USP53: variants seen among roughly 807,000 people sequenced by gnomAD.
USP53 encodes ubiquitin carboxyl-terminal hydrolase 53.
Under a neutral mutation model 94.9 loss-of-function variants are expected in USP53, and 71 were observed. That is an observed-to-expected ratio of 0.75 (90% confidence interval 0.62 to 0.91). The LOEUF (loss-of-function observed/expected upper bound fraction) is 0.91. Among genes scored for constraint, USP53 ranks in the 40% least tolerant of loss-of-function variants. The pLI, the probability that USP53 is intolerant of heterozygous loss-of-function variation, is 0.00. For synonymous variants in USP53, 375 were observed against 422.7 expected, an observed-to-expected ratio of 0.89 and a Z score of 1.39; for missense variants, 1,173 against 1,281.0, an observed-to-expected ratio of 0.92 and a Z score of 1.29.
intron 5 of USP53, among the ~76,000 whole-genome samples, chr4:119,241,393 T>C (rs940559392): frequency 2.0e-5 from 3 of 152,150 alleles, no homozygotes; most frequent in Non-Finnish European, 1.5e-5. Flanking sequence ...AGGATCTTTC[T>C]TGTAATACAG....
intron 15 of USP53, 134 bp from the exon 16 acceptor site, chr4:119,271,162 A>C: frequency 5.2e-6 from 7 of 1,344,448 alleles, no homozygotes; most frequent in Non-Finnish European, 6.8e-6. Context: ...ATCTCAAAGC[A>C]GTATGTGATA....
intron 16 of USP53, chr4:119,273,403 T>A: frequency 2.6e-6 from 1 of 378,772 alleles, no homozygotes; most frequent in Non-Finnish European, 4.9e-6. Flanking sequence ...CAGGACTTTA[T>A]AACCAGATAG....
At chr4:119,238,591 T>C (rs550556625) in intron 4 of USP53, among the ~76,000 whole-genome samples, 1 of 152,328 alleles carries the variant, frequency 6.6e-6, no homozygotes, top group South Asian at 2.1e-4. Flanking sequence ...GGGAAAATGG[T>C]GCTGGTAGAT....
At chr4:119,225,528 C>T (rs974628101) in intron 3 of USP53, among the ~76,000 whole-genome samples, 6 of 152,142 alleles carry the variant, frequency 3.9e-5, no homozygotes, top group Admixed American at 1.3e-4. Context: ...GGGCAGATCA[C>T]GAGGTCCAGA....
At chr4:119,213,647 T>TTAG (rs201030853) in intron 1 of USP53, among the ~76,000 whole-genome samples, 18,520 of 114,040 alleles carry the variant, frequency 0.16, 1,904 homozygotes, top group Admixed American at 0.22. Context: ...AATAGATATA[T>TTAG]ATATATATAT....
intron 7 of USP53, among the ~76,000 whole-genome samples, chr4:119,249,162 A>T (rs147246416): frequency 1.3e-5 from 2 of 152,210 alleles, no homozygotes; most frequent in African/African-American, 4.8e-5. Flanking sequence ...GCTGAATATA[A>T]ATGATATCAC....
chr4:119,251,592 A>G (rs1282325824), intron 7 of USP53, among the ~76,000 whole-genome samples: 3 of 150,904 alleles, frequency 2.0e-5, no homozygotes, highest in Admixed American at 1.3e-4. Context: ...TTAATGATAG[A>G]GTTTTCTAAA....
At chr4:119,213,641 G>GATATATTAGATATATATAGATATATAT (rs1553961986) in intron 1 of USP53, among the ~76,000 whole-genome samples, 29 of 107,800 alleles carry the variant, frequency 2.7e-4, no homozygotes, top group Non-Finnish European at 4.0e-4. Flanking sequence ...TCTGGAAATA[G>GATATATTAGATATATATAGATATATAT]ATATATATAT....
intron 4 of USP53, among the ~76,000 whole-genome samples, chr4:119,238,571 A>C (rs1252879457): frequency 6.6e-6 from 1 of 152,232 alleles, no homozygotes; most frequent in African/African-American, 2.4e-5. Flanking sequence ...TGAAGTGGGC[A>C]TATGCTGTTG....
At chr4:119,253,128 G>A (rs1466236243) in intron 7 of USP53, among the ~76,000 whole-genome samples, 4 of 151,944 alleles carry the variant, frequency 2.6e-5, no homozygotes, top group Admixed American at 6.6e-5. Context: ...ACATTTGCTC[G>A]GGAGCGTTTT....
chr4:119,227,606 G>A (rs1383047712), intron 3 of USP53, among the ~76,000 whole-genome samples: 2 of 152,206 alleles, frequency 1.3e-5, no homozygotes, highest in African/African-American at 4.8e-5. Flanking sequence ...ACTCCAGCTT[G>A]GGAGACAGAG....
rs1301035912 is a variant in USP53, at chr4:119,295,359, T to C, written c.*2148T>C. ...CATCTAGGGTGCCTATTTATTTTTA[T>C]AGATGCTTTCATCCAGTTATAAGCT... On this transcript the variant is annotated 3_prime_UTR_variant, in exon 19 of 19. Transcript: ENST00000692078. 6.6e-6 allele frequency: 1 copy of C among 152,202 alleles called. No homozygotes were observed. The highest frequency in any genetic ancestry group is 2.4e-5 in the African/African-American group (1 of 41,462). The allele number at this position is 152,202 out of a possible 1,614,324, so 9.4% of individuals were successfully genotyped here.
In USP53 at chr4:119,248,900, T is replaced by A. The variant is rs1322018327; in HGVS notation, c.372+18T>A. 6.2e-7 allele frequency: 1 copy of A among 1,613,492 alleles called. No individual in the cohort carries two copies. Among genetic ancestry groups the A allele is most frequent in the East Asian group, 2.2e-5 (1 of 44,874 alleles). On this transcript the variant is annotated intron_variant, in intron 7 of 18. Transcript: ENST00000692078. Reference sequence around the variant, plus strand: ...AGTGCTTTGTAAGTGTTTCTGATATTCCTTAAGAAGTCAGGATAGTAGTTT... The same window carrying A: ...AGTGCTTTGTAAGTGTTTCTGATATACCTTAAGAAGTCAGGATAGTAGTTT...
chr4:119,261,676 A>ATGTAG, intron 11 of USP53, 39 bp from the exon 12 acceptor site: 1 of 1,460,400 alleles, frequency 6.8e-7, no homozygotes, highest in Non-Finnish European at 9.3e-7. Flanking sequence ...TTTACAAAAG[A>ATGTAG]TGTAGTGTTA....
chr4:119,289,310 A>G (rs537067687), intron 17 of USP53, among the ~76,000 whole-genome samples: 1 of 152,356 alleles, frequency 6.6e-6, no homozygotes, highest in Admixed American at 6.5e-5. Flanking sequence ...TACAATTAGT[A>G]CAGTTTAGTG....
At chr4:119,273,587 C>A in intron 16 of USP53, 45 bp from the exon 17 acceptor site, 1 of 1,420,842 alleles carries the variant, frequency 7.0e-7, no homozygotes, top group Non-Finnish European at 9.8e-7. Flanking sequence ...TAAACAAAGG[C>A]AGTCCATAAT....
intron 2 of USP53, among the ~76,000 whole-genome samples, chr4:119,216,093 A>G (rs1223554386): frequency 6.6e-6 from 1 of 152,218 alleles, no homozygotes; most frequent in East Asian, 1.9e-4. Context: ...TAATTAGACA[A>G]TGTTGGCTGG....
At chr4:119,260,228 CTAATA>C (rs1419304582) in intron 10 of USP53, among the ~76,000 whole-genome samples, 1 of 151,980 alleles carries the variant, frequency 6.6e-6, no homozygotes, top group East Asian at 1.9e-4. Flanking sequence ...CTTTTCTCAT[CTAATA>C]TATTTGTTAC....
chr4:119,272,859 C>T (rs186450096), intron 16 of USP53: 4 of 152,178 alleles, frequency 2.6e-5, no homozygotes, highest in Admixed American at 6.5e-5. Flanking sequence ...ACTTTGTGTT[C>T]GATTAATTCT....
Sources: allele counts gnomAD v4.1 joint callset (sites outside exome capture counted in the v4.1 genomes callset), GRCh38; gene constraint gnomAD v4.1.1; transcripts MANE v1.5; gene names NCBI Gene and HGNC (gene_info 2026-07-23, HGNC 2026-07-21).